SATB2: variants seen among roughly 807,000 people sequenced by gnomAD.
SATB2 encodes SATB homeobox 2.
In SATB2, 1 loss-of-function variant was observed where a neutral mutation model predicts 73.4. That is an observed-to-expected ratio of 0.01 (90% CI 0.00 to 0.06). SATB2 has a LOEUF of 0.06. Ranked by LOEUF, SATB2 falls within the 10% of genes least tolerant of loss-of-function variation. The pLI is 1.00. For synonymous variants in SATB2, 397 were observed against 367.0 expected, an observed-to-expected ratio of 1.08 and a Z score of -0.93; for missense variants, 459 against 945.8, an observed-to-expected ratio of 0.49 and a Z score of 6.75.
rs1244106275 is a variant in SATB2, at chr2:199,464,691, C to G, written c.-141+145G>C. The G allele has an allele frequency of 6.6e-6, 1 of 152,216 alleles. No homozygotes were observed. The highest frequency in any genetic ancestry group is 1.5e-5 in the Non-Finnish European group (1 of 68,060). The allele number at this position is 152,216 out of a possible 1,614,324, so 9.4% of individuals were successfully genotyped here. ...GCGGGCCGGCTGAGCTCCTGCGCCC[C>G]GCGGTCGCGTGGCCTACTCGCCTAC... is the stretch of plus-strand genomic sequence containing the variant. On this transcript the variant is annotated intron_variant, in intron 1 of 11. Transcript: ENST00000260926. The surrounding 1 kb of genome is among the most constrained non-coding windows in gnomAD (Gnocchi z 6.6).
upstream of SATB2, among the ~76,000 whole-genome samples, chr2:199,467,855 C>A (rs922168556): frequency 4.7e-4 from 71 of 152,264 alleles, no homozygotes; most frequent in African/African-American, 1.7e-3. Flanking sequence ...TGGGGTGTCC[C>A]TGCCTCCACT....
intron 3 of SATB2, among the ~76,000 whole-genome samples, chr2:199,386,779 G>C (rs1460871779): frequency 6.7e-6 from 1 of 149,064 alleles, no homozygotes; most frequent in Admixed American, 6.7e-5. Flanking sequence ...TTTGAGTTCA[G>C]CCAGGAACAT....
chr2:199,327,047 G>C (rs996386766), intron 8 of SATB2, among the ~76,000 whole-genome samples: 3 of 152,172 alleles, frequency 2.0e-5, no homozygotes, highest in Non-Finnish European at 4.4e-5. Flanking sequence ...TGCTTAATCA[G>C]TTCCTTAGAA....
At chr2:199,365,443 A>G (rs1239232828) in intron 6 of SATB2, among the ~76,000 whole-genome samples, 1 of 152,114 alleles carries the variant, frequency 6.6e-6, no homozygotes, top group Non-Finnish European at 1.5e-5. Flanking sequence ...CTCCCTATCT[A>G]TTCTGAAGTA....
At chr2:199,414,427 C>G (rs549515868) in intron 3 of SATB2, among the ~76,000 whole-genome samples, 4 of 152,236 alleles carry the variant, frequency 2.6e-5, no homozygotes, top group Non-Finnish European at 2.9e-5. Context: ...ATCCACCCCC[C>G]ACCAGGGCAA....
At chr2:199,411,288 C>T (rs6435016) in intron 3 of SATB2, among the ~76,000 whole-genome samples, 124,174 of 151,958 alleles carry the variant, frequency 0.82, 51,524 homozygotes, top group Non-Finnish European at 0.88. Flanking sequence ...TCCTTACAAG[C>T]AGAATGTACC....
At chr2:199,379,680 T>C (rs1241340179) in intron 5 of SATB2, among the ~76,000 whole-genome samples, 1 of 96,456 alleles carries the variant, frequency 1.0e-5, no homozygotes, top group Non-Finnish European at 2.0e-5. Flanking sequence ...TTCTTTTCTT[T>C]TCTTTTTTTT....
At chr2:199,437,443 AG>A (rs1165685389) in intron 2 of SATB2, among the ~76,000 whole-genome samples, 1 of 152,226 alleles carries the variant, frequency 6.6e-6, no homozygotes, top group Non-Finnish European at 1.5e-5. Flanking sequence ...TTATTTCTAA[AG>A]AAGTGTGTAT....
chr2:199,332,696 T>C (rs2105800445), intron 7 of SATB2, among the ~76,000 whole-genome samples: 1 of 152,270 alleles, frequency 6.6e-6, no homozygotes, highest in South Asian at 2.1e-4. Context: ...ACTTTCTGTG[T>C]CAATGAGCTT....
At chr2:199,355,340 G>GTATATATATATA (rs1445800916) in intron 6 of SATB2, among the ~76,000 whole-genome samples, 1 of 13,864 alleles carries the variant, frequency 7.2e-5, no homozygotes, top group African/African-American at 8.5e-5. Context: ...GTGTGTGTGT[G>GTATATATATATA]TGTGTATCTA....
chr2:199,419,542 T>G (rs1278046668), intron 3 of SATB2, among the ~76,000 whole-genome samples: 1 of 152,192 alleles, frequency 6.6e-6, no homozygotes. Context: ...TTTTTAAAAA[T>G]TTTAGCATGG....
intron 7 of SATB2, among the ~76,000 whole-genome samples, chr2:199,345,999 C>T (rs969094254): frequency 2.0e-5 from 3 of 152,020 alleles, no homozygotes; most frequent in Admixed American, 2.0e-4. Flanking sequence ...TAACTCTTTA[C>T]AAGCAAAGAA....
chr2:199,391,775 G>A (rs527920949), intron 3 of SATB2, among the ~76,000 whole-genome samples: 36 of 152,154 alleles, frequency 2.4e-4, no homozygotes, highest in African/African-American at 8.7e-4. Flanking sequence ...CATACATGGT[G>A]ATAAATAATG....
At chr2:199,458,767 GCCCACCA>G (rs1302539546), upstream of SATB2, 8 of 266,294 alleles carry the variant, frequency 3.0e-5, no homozygotes, top group South Asian at 9.7e-5. Context: ...CACCGCCTCC[GCCCACCA>G]CCCACCGCCT....
chr2:199,442,629 C>G (rs535592200), intron 2 of SATB2, among the ~76,000 whole-genome samples: 1 of 152,248 alleles, frequency 6.6e-6, no homozygotes, highest in East Asian at 1.9e-4. Context: ...GCCTGTTAAA[C>G]CCAGCTACTT....
intron 5 of SATB2, among the ~76,000 whole-genome samples, chr2:199,372,101 T>C (rs567717794): frequency 3.9e-5 from 6 of 152,218 alleles, no homozygotes; most frequent in African/African-American, 1.2e-4. Flanking sequence ...TAAATTAAAA[T>C]GGTTAAAATG....
At chr2:199,392,498 C>G (rs1386620278) in intron 3 of SATB2, among the ~76,000 whole-genome samples, 1 of 151,938 alleles carries the variant, frequency 6.6e-6, no homozygotes, top group Non-Finnish European at 1.5e-5. Context: ...CACCAAAAGG[C>G]AAAGGTCATG....
intron 5 of SATB2, 50 bp from the exon 6 acceptor site, chr2:199,368,757 T>C (rs750220510): frequency 1.8e-6 from 2 of 1,128,828 alleles, no homozygotes; most frequent in African/African-American, 1.5e-5. Context: ...TACTTCTTTT[T>C]AGGGACAAGA....
rs1692558814 is a variant in SATB2, at chr2:199,464,707, A to G, written c.-141+129T>C. The G allele has an allele frequency of 6.6e-6, 1 of 152,032 alleles. No homozygotes were observed. Among genetic ancestry groups the G allele is most frequent in the Non-Finnish European group, 1.5e-5 (1 of 68,016 alleles). The allele number at this position is 152,032 out of a possible 1,614,324, so 9.4% of individuals were successfully genotyped here. A position where few individuals can be genotyped will look rare whatever the true frequency, so the allele number is the denominator to read the frequency against. On this transcript the variant is annotated intron_variant, in intron 1 of 11. Transcript: ENST00000260926. This position sits in a 1 kb window ranked among gnomAD's most constrained non-coding sequence, Gnocchi z 6.6. ...CCTGCGCCCCGCGGTCGCGTGGCCT[A>G]CTCGCCTACTCCCTTATTATTGGCT...
Sources: allele counts gnomAD v4.1 joint callset (sites outside exome capture counted in the v4.1 genomes callset), GRCh38; gene constraint gnomAD v4.1.1; non-coding constraint Gnocchi (gnomAD v3.1); transcripts MANE v1.5; gene names NCBI Gene and HGNC (gene_info 2026-07-23, HGNC 2026-07-21).